The following AVEN variants were observed in gnomAD, a reference collection of about 807,000 sequenced individuals.
AVEN encodes cell death regulator Aven.
Under a neutral mutation model 38.1 loss-of-function variants are expected in AVEN, and 41 were observed. The observed-to-expected ratio is 1.08, with a 90% CI of 0.84 to 1.40. AVEN has a LOEUF of 1.40. AVEN is among the 40% of genes most tolerant of loss of function. The pLI, the probability that AVEN is intolerant of heterozygous loss-of-function variation, is 0.00. For missense variants in AVEN, 605 were observed against 438.8 expected (o/e 1.38, Z -3.38); for synonymous variants, 206 against 171.8 (o/e 1.20, Z -1.56).
intron 4 of AVEN, among the ~76,000 whole-genome samples, chr15:33,869,345 T>C (rs968675846): frequency 6.6e-5 from 10 of 152,192 alleles, no homozygotes; most frequent in Admixed American, 1.3e-4. Flanking sequence ...ATAATTATTT[T>C]ATACCTTTAA....
chr15:33,950,777 A>C (rs1472904977), intron 2 of AVEN, among the ~76,000 whole-genome samples: 1 of 152,228 alleles, frequency 6.6e-6, no homozygotes, highest in Non-Finnish European at 1.5e-5. Context: ...AGGCCAAGGC[A>C]GGAGAACAGC....
rs146461107 is a variant in AVEN, at chr15:33,932,961, C to A, written c.446-56966G>T. Among the ~76,000 whole-genome samples the A allele has an allele frequency of 8.2e-3, 1,246 of 152,230 alleles. 10 individuals are homozygous for A. Among genetic ancestry groups the A allele is most frequent in the Non-Finnish European group, 0.014 (958 of 68,026 alleles). ...AAATAATAGAACACAACACTGCATG[C>A]AGTAAATGCAAGATTTATTTCATGA... On this transcript the variant is annotated intron_variant, in intron 2 of 5. Coordinates refer to ENST00000306730, the MANE Select transcript of AVEN (RefSeq NM_020371.3).
At chr15:33,882,114 G>A (rs1190021570) in intron 2 of AVEN, among the ~76,000 whole-genome samples, 1 of 152,074 alleles carries the variant, frequency 6.6e-6, no homozygotes, top group Non-Finnish European at 1.5e-5. Context: ...ATTGTAGAAC[G>A]GCCTTGTTGT....
At chr15:34,030,713 G>T (rs907426268) in intron 1 of AVEN, among the ~76,000 whole-genome samples, 1 of 151,956 alleles carries the variant, frequency 6.6e-6, no homozygotes, top group Non-Finnish European at 1.5e-5. Flanking sequence ...CCAACTCCTG[G>T]GTTAAAAATC....
downstream of AVEN, among the ~76,000 whole-genome samples, chr15:33,862,526 G>C (rs1291132950): frequency 6.6e-6 from 1 of 152,200 alleles, no homozygotes; most frequent in Non-Finnish European, 1.5e-5. Flanking sequence ...CTTTAGGCTA[G>C]AGCAGGCTCA....
At chr15:34,031,720 T>C (rs1160806724) in intron 1 of AVEN, among the ~76,000 whole-genome samples, 8 of 152,184 alleles carry the variant, frequency 5.3e-5, no homozygotes, top group Admixed American at 5.2e-4. Context: ...GCAGTGTTGT[T>C]CTTCACAGGA....
At chr15:33,923,295 CAT>C (rs779441468) in intron 2 of AVEN, among the ~76,000 whole-genome samples, 3 of 152,182 alleles carry the variant, frequency 2.0e-5, no homozygotes, top group Non-Finnish European at 4.4e-5. Flanking sequence ...ATCCTTGAAA[CAT>C]ATGTTTAACT....
intron 1 of AVEN, among the ~76,000 whole-genome samples, chr15:34,017,678 C>G (rs1244603350): frequency 6.6e-6 from 1 of 152,020 alleles, no homozygotes; most frequent in African/African-American, 2.4e-5. Flanking sequence ...CAGGGTTTCA[C>G]CATGTTGGCC....
chr15:33,961,893 C>G (rs1372374981), intron 2 of AVEN, among the ~76,000 whole-genome samples: 2 of 147,262 alleles, frequency 1.4e-5, no homozygotes, highest in African/African-American at 5.0e-5. Flanking sequence ...ACCAGTATAA[C>G]CAAGAAATCT....
chr15:33,968,548 T>C (rs893596809), intron 2 of AVEN, among the ~76,000 whole-genome samples: 4 of 152,128 alleles, frequency 2.6e-5, no homozygotes, highest in African/African-American at 9.6e-5. Flanking sequence ...CCGTACTTCC[T>C]TCTGGATTTT....
chr15:33,988,650 A>G (rs1425876961), intron 2 of AVEN, among the ~76,000 whole-genome samples: 1 of 152,186 alleles, frequency 6.6e-6, no homozygotes, highest in Non-Finnish European at 1.5e-5. Context: ...CTATTTATGA[A>G]GCCTAACCCT....
intron 5 of AVEN, among the ~76,000 whole-genome samples, chr15:34,052,168 C>A (rs1487614658): frequency 1.3e-5 from 2 of 152,176 alleles, no homozygotes; most frequent in Non-Finnish European, 2.9e-5. Context: ...TTGGCTTCAT[C>A]CCTGGGATGC....
intron 2 of AVEN, among the ~76,000 whole-genome samples, chr15:33,978,237 T>C (rs927143037): frequency 4.6e-5 from 7 of 152,196 alleles, no homozygotes; most frequent in Non-Finnish European, 8.8e-5. Flanking sequence ...TTACTAATAT[T>C]TCCTGAGCAT....
intron 5 of AVEN, among the ~76,000 whole-genome samples, chr15:34,057,303 A>AT (rs59628367): frequency 0.063 from 9,334 of 147,246 alleles, 675 homozygotes; most frequent in African/African-American, 0.17. Context: ...CGCCCAGCTA[A>AT]TTTTTTTTTT....
intron 5 of AVEN, among the ~76,000 whole-genome samples, chr15:34,052,465 C>T (rs1445657529): frequency 6.6e-6 from 1 of 152,310 alleles, no homozygotes; most frequent in East Asian, 1.9e-4. Flanking sequence ...CTTACCACTC[C>T]TATTCAACAT....
intron 2 of AVEN, among the ~76,000 whole-genome samples, chr15:33,995,439 T>C (rs1312305184): frequency 1.3e-5 from 2 of 152,184 alleles, no homozygotes; most frequent in Non-Finnish European, 2.9e-5. Context: ...TTTGCATAGG[T>C]TATATGCAAA....
chr15:34,060,744 G>A (rs376425921), intron 5 of AVEN, among the ~76,000 whole-genome samples: 2 of 152,146 alleles, frequency 1.3e-5, no homozygotes, highest in East Asian at 3.9e-4. Context: ...AGGCTTGGTG[G>A]CTGTAATCCC....
chr15:33,858,941 A>G (rs1271822748), exon 12 of AVEN: 1 of 152,464 alleles, frequency 6.6e-6, no homozygotes, highest in African/African-American at 2.4e-5. Flanking sequence ...CCTAGCCCCT[A>G]GAGTACTGGC....
At chr15:33,991,263 C>T (rs1896709356) in intron 2 of AVEN, 1 of 152,030 alleles carries the variant, frequency 6.6e-6, no homozygotes, top group Admixed American at 6.5e-5. Flanking sequence ...AAATACAGAC[C>T]TTCTAACACT....
Sources: allele counts gnomAD v4.1 joint callset (sites outside exome capture counted in the v4.1 genomes callset), GRCh38; gene constraint gnomAD v4.1.1; transcripts MANE v1.5; gene names NCBI Gene and HGNC (gene_info 2026-07-23, HGNC 2026-07-21).